FMN1: variants seen among roughly 807,000 people sequenced by gnomAD.
FMN1 encodes the protein formin 1, also known as formin-1.
FMN1 carries 110 observed loss-of-function variants against 132.4 expected under a neutral mutation model. That is an observed-to-expected ratio of 0.83 (90% CI 0.71 to 0.97). The LOEUF (loss-of-function observed/expected upper bound fraction) is 0.97, where lower values mean the gene tolerates loss of function less well. FMN1 is among the 50% of genes least tolerant of loss of function. The pLI is 0.00. For missense variants in FMN1, 1,792 were observed against 1,705.3 expected (o/e 1.05, Z -0.90); for synonymous variants, 722 against 651.7 (o/e 1.11, Z -1.64).
rs529312388 is a variant in FMN1, at chr15:33,059,576, G to A, written c.2161+5381C>T. Among the ~76,000 whole-genome samples the A allele has an allele frequency of 1.8e-4, 28 of 151,844 alleles. No homozygotes were observed. The East Asian group carries it at 5.2e-3, about 28-fold the overall frequency. ...TTAGATACTGGTACATTGGCAAAAA[G>A]ATTTAAAAAAATTTTAATCCATCAC... On this transcript the variant is annotated intron_variant, in intron 6 of 20. Transcript: ENST00000616417.
intron 15 of FMN1, among the ~76,000 whole-genome samples, chr15:32,891,170 T>A (rs1335929562): frequency 6.6e-6 from 1 of 152,218 alleles, no homozygotes; most frequent in Non-Finnish European, 1.5e-5. Context: ...TGAAATCAGG[T>A]AGTGTGATGC....
intron 17 of FMN1, among the ~76,000 whole-genome samples, chr15:32,839,673 T>C (rs1314223760): frequency 1.3e-5 from 2 of 151,868 alleles, no homozygotes. Context: ...AAATCAATAA[T>C]GGCTTGCACC....
At chr15:33,100,922 G>T (rs1376774669) in intron 4 of FMN1, among the ~76,000 whole-genome samples, 1 of 152,058 alleles carries the variant, frequency 6.6e-6, no homozygotes, top group Non-Finnish European at 1.5e-5. Flanking sequence ...TAATACATAA[G>T]AAAATGTTCA....
chr15:32,917,815 C>T (rs2060720626), intron 10 of FMN1, among the ~76,000 whole-genome samples: 1 of 152,142 alleles, frequency 6.6e-6, no homozygotes, highest in Non-Finnish European at 1.5e-5. Flanking sequence ...AAACTACCCA[C>T]AAAAGGCTAC....
At position 32,768,206 on chromosome 15, in the gene FMN1, G is replaced by A. The variant is rs2840190; in HGVS notation, c.*6104C>T. 0.15 allele frequency: 22,430 copies of A among 152,138 alleles called. 1,735 individuals are homozygous for A. Among genetic ancestry groups the A allele is most frequent in the Non-Finnish European group, 0.17 (11,341 of 67,992 alleles). The allele number at this position is 152,138 out of a possible 1,614,324, so 9.4% of individuals were successfully genotyped here. The stretch of plus-strand genomic sequence containing the variant: ...TCAACACTTATCATCCATGTCATGG[G>A]GAGGTAGAGAGTAATTTCCCTGAAT... On this transcript the variant is annotated 3_prime_UTR_variant, in exon 21 of 21. Coordinates refer to ENST00000616417, the MANE Select transcript of FMN1 (RefSeq NM_001277313.2).
chr15:32,870,352 C>G (rs1363506532), intron 16 of FMN1, among the ~76,000 whole-genome samples: 1 of 152,162 alleles, frequency 6.6e-6, no homozygotes, highest in Non-Finnish European at 1.5e-5. Flanking sequence ...ATAAACCCAC[C>G]AGGAAGCTGG....
At chr15:32,784,021 C>T (rs1488197671) in intron 19 of FMN1, among the ~76,000 whole-genome samples, 1 of 152,076 alleles carries the variant, frequency 6.6e-6, no homozygotes, top group Non-Finnish European at 1.5e-5. Flanking sequence ...GCAGAAGATA[C>T]TGAAATCATT....
chr15:32,862,253 C>T (rs2059287902), intron 16 of FMN1, among the ~76,000 whole-genome samples: 1 of 152,082 alleles, frequency 6.6e-6, no homozygotes, highest in African/African-American at 2.4e-5. Context: ...TACGATATTG[C>T]TAGACCACCA....
chr15:33,049,874 T>G (rs921766325), intron 6 of FMN1, among the ~76,000 whole-genome samples: 9 of 152,256 alleles, frequency 5.9e-5, no homozygotes, highest in African/African-American at 2.2e-4. Context: ...ATGGCTGCAC[T>G]GGAGTCTCCC....
At chr15:32,964,625 G>T (rs1490404510) in intron 8 of FMN1, among the ~76,000 whole-genome samples, 1 of 152,116 alleles carries the variant, frequency 6.6e-6, no homozygotes, top group Non-Finnish European at 1.5e-5. Flanking sequence ...TCATATAAAG[G>T]CTGAGAAGAT....
At chr15:32,838,285 A>G (rs1470104214) in intron 17 of FMN1, among the ~76,000 whole-genome samples, 1 of 152,116 alleles carries the variant, frequency 6.6e-6, no homozygotes, top group Non-Finnish European at 1.5e-5. Flanking sequence ...GAGAAAGAAA[A>G]AAAATCGGAG....
chr15:32,902,052 A>C lies in FMN1; in HGVS notation c.3378-12T>G. 6.2e-7 allele frequency: 1 copy of C among 1,602,614 alleles called. No homozygotes were observed. The highest frequency in any genetic ancestry group is 1.1e-5 in the South Asian group (1 of 88,154). On this transcript the variant is annotated splice_polypyrimidine_tract_variant and intron_variant, in intron 12 of 20. Coordinates refer to ENST00000616417, the MANE Select transcript of FMN1 (RefSeq NM_001277313.2). ...ACTCATGTAAAAATCTGTAAAAAAG[A>C]AAATGTGTCATCTACCTTCACATAT...
chr15:32,885,699 T>C (rs1003809928), intron 16 of FMN1, among the ~76,000 whole-genome samples: 2 of 152,212 alleles, frequency 1.3e-5, no homozygotes, highest in African/African-American at 4.8e-5. Context: ...TTCAAAGTTC[T>C]TGCCTCTCTG....
intron 7 of FMN1, among the ~76,000 whole-genome samples, chr15:32,991,498 T>C (rs1441607578): frequency 1.3e-5 from 2 of 152,114 alleles, no homozygotes; most frequent in Non-Finnish European, 2.9e-5. Context: ...AATCACAATC[T>C]AGGGAGCATC....
rs538407991 is a variant in FMN1 at position 32,974,161 on chromosome 15, C to T, written c.2224-4684G>A. Among the ~76,000 whole-genome samples, 116 of 152,264 alleles carry T rather than the reference C, an allele frequency of 7.6e-4. 1 individual carries two copies. The highest frequency in any genetic ancestry group is 2.6e-3 in the African/African-American group (110 of 41,564). ...TGTAAGCAGTATCCAATTATAAACC[C>T]TCCATTTATTTTTAGACCAATGTTC... On this transcript the variant is annotated intron_variant, in intron 7 of 20. Coordinates refer to ENST00000616417, the MANE Select transcript of FMN1 (RefSeq NM_001277313.2).
intron 5 of FMN1, chr15:33,068,130 A>C: frequency 4.6e-6 from 4 of 875,936 alleles, no homozygotes; most frequent in Non-Finnish European, 6.3e-6. Flanking sequence ...GAAGCAGCCG[A>C]GGCTGCGCAC....
chr15:32,798,708 C>G, intron 19 of FMN1, 96 bp downstream of exon 19: 1 of 1,127,142 alleles, frequency 8.9e-7, no homozygotes, highest in Non-Finnish European at 1.2e-6. Context: ...CGAAAGAAAA[C>G]ATCGACAGGT....
chr15:32,996,743 C>T (rs2033794796), intron 7 of FMN1, among the ~76,000 whole-genome samples: 1 of 152,154 alleles, frequency 6.6e-6, no homozygotes, highest in African/African-American at 2.4e-5. Context: ...CACACAAACA[C>T]ACAATAAATT....
intron 6 of FMN1, among the ~76,000 whole-genome samples, chr15:33,058,515 C>T (rs1469509497): frequency 1.3e-5 from 2 of 152,160 alleles, no homozygotes; most frequent in Non-Finnish European, 2.9e-5. Flanking sequence ...ATGAACCTCA[C>T]CTTAACTTTC....
Sources: allele counts gnomAD v4.1 joint callset (sites outside exome capture counted in the v4.1 genomes callset), GRCh38; gene constraint gnomAD v4.1.1; transcripts MANE v1.5; gene names NCBI Gene and HGNC (gene_info 2026-07-23, HGNC 2026-07-21).